The following CARM1 variants were observed in gnomAD, a reference collection of about 807,000 sequenced individuals.
CARM1 encodes coactivator associated arginine methyltransferase 1, also known as histone-arginine methyltransferase CARM1.
Under a neutral mutation model 72.7 loss-of-function variants are expected in CARM1, and 14 were observed. The ratio of observed to expected loss-of-function variants is 0.19; its 90% CI spans 0.13 to 0.30. The LOEUF is 0.30. Ranked by LOEUF, CARM1 falls within the 10% of genes least tolerant of loss-of-function variation. CARM1 has a pLI of 1.00. For missense variants in CARM1, 432 were observed against 833.7 expected (o/e 0.52, Z 5.93); for synonymous variants, 333 against 345.5 (o/e 0.96, Z 0.40).
intron 1 of CARM1, among the ~76,000 whole-genome samples, chr19:10,902,105 G>A (rs2074070603): frequency 6.6e-6 from 1 of 151,862 alleles, no homozygotes; most frequent in Admixed American, 6.6e-5. Context: ...TAAGCTGGAC[G>A]TGGTGGTGCA....
At chr19:10,910,920 T>G (rs1212285298) in intron 4 of CARM1, among the ~76,000 whole-genome samples, 1 of 151,410 alleles carries the variant, frequency 6.6e-6, no homozygotes, top group Non-Finnish European at 1.5e-5. Context: ...AGACAGATTC[T>G]CACTCTGTCA....
In CARM1 at chr19:10,871,583, A is replaced by AGCGGCGGCG. The variant is rs1179936865; in HGVS notation, c.-115_-114insGGCGGCGGC. The AGCGGCGGCG allele has an allele frequency of 1.4e-4, 11 of 76,412 alleles. No individual in the cohort carries two copies. In the South Asian group the frequency reaches 1.9e-3, roughly 13 times the overall value. 4.7% of individuals were successfully genotyped at this position (76,412 alleles called of 1,614,324 possible). ...CCTGCACGGCGGCTGCGGCGGCGGTAGCGGCAGCGGCGGCGGCGGCGGCGG... is the reference window on the plus strand; with the variant it reads ...CCTGCACGGCGGCTGCGGCGGCGGTAGCGGCGGCGGCGGCAGCGGCGGCGGCGGCGGCGG... On this transcript the variant is annotated 5_prime_UTR_variant, in exon 1 of 16. Transcript: ENST00000327064. This position sits in a 1 kb window ranked among gnomAD's most constrained non-coding sequence, Gnocchi z 5.6.
At chr19:10,909,042 C>T (rs2074125747) in intron 3 of CARM1, 61 bp from the exon 4 acceptor site, 2 of 1,314,140 alleles carry the variant, frequency 1.5e-6, no homozygotes, top group Non-Finnish European at 2.2e-6. Context: ...CAGGGCTGGC[C>T]AGGGCCTTGG....
chr19:10,905,150 C>G, intron 2 of CARM1, 74 bp downstream of exon 2: 2 of 1,562,488 alleles, frequency 1.3e-6, no homozygotes, highest in Admixed American at 1.7e-5. Context: ...GGGCGTAGAG[C>G]CTGGCTGAGG....
chr19:10,897,243 T>A (rs1036147713), intron 1 of CARM1, among the ~76,000 whole-genome samples: 5 of 152,094 alleles, frequency 3.3e-5, no homozygotes, highest in Non-Finnish European at 5.9e-5. Context: ...AATAAGGGCA[T>A]AGTGAGAGTA....
chr19:10,884,714 T>C (rs74985239), intron 1 of CARM1, among the ~76,000 whole-genome samples: 11 of 151,516 alleles, frequency 7.3e-5, no homozygotes, highest in Non-Finnish European at 1.6e-4. Flanking sequence ...TATTTTATTA[T>C]TTTTTTTTGA....
chr19:10,901,381 G>A (rs2074064117), intron 1 of CARM1, among the ~76,000 whole-genome samples: 2 of 151,836 alleles, frequency 1.3e-5, no homozygotes, highest in African/African-American at 2.4e-5. Context: ...TTCACAGGCA[G>A]TCATAGCTAA....
In CARM1 at chr19:10,912,752, C is replaced by T. The variant is rs948601971; in HGVS notation, c.669+458C>T. 2.0e-5 allele frequency among the ~76,000 whole-genome samples: 3 copies of T among 152,106 alleles called. No homozygotes were observed. Among genetic ancestry groups the T allele is most frequent in the South Asian group, 2.1e-4 (1 of 4,828 alleles). ...GCCTCTCCCATGGATCTGGGGTCGC[C>T]GGGGTCGTGGAGGGGCCATCTTTGT... On this transcript the variant is annotated intron_variant, in intron 5 of 15. Transcript: ENST00000327064. This position sits in a 1 kb window ranked among gnomAD's most constrained non-coding sequence, Gnocchi z 4.5.
chr19:10,883,712 G>A (rs1382147126), intron 1 of CARM1, among the ~76,000 whole-genome samples: 1 of 152,192 alleles, frequency 6.6e-6, no homozygotes, highest in African/African-American at 2.4e-5. Flanking sequence ...CGCCACCACG[G>A]CTGGCTAATT....
At chr19:10,885,555 G>C (rs1481470677) in intron 1 of CARM1, among the ~76,000 whole-genome samples, 1 of 152,208 alleles carries the variant, frequency 6.6e-6, no homozygotes, top group African/African-American at 2.4e-5. Flanking sequence ...TCGTGAAAGA[G>C]GGATGCTCTT....
At chr19:10,913,507 T>A (rs2074170510) in intron 5 of CARM1, among the ~76,000 whole-genome samples, 1 of 150,854 alleles carries the variant, frequency 6.6e-6, no homozygotes, top group Non-Finnish European at 1.5e-5. Context: ...CACTACCACC[T>A]CCAGCCTGGG....
In CARM1 at chr19:10,916,161, A is replaced by G. The variant is rs1205365159; in HGVS notation, c.848-246A>G. 6.6e-6 allele frequency among the ~76,000 whole-genome samples: 1 copy of G among 152,186 alleles called. No individual in the cohort carries two copies. The highest frequency in any genetic ancestry group is 1.5e-5 in the Non-Finnish European group (1 of 68,028). ...CCTGCCAGGTCTAGTAATAGGACATAAAGATGAGCCACCAGCCTCCCAGTC... is the reference window on the plus strand; with the variant it reads ...CCTGCCAGGTCTAGTAATAGGACATGAAGATGAGCCACCAGCCTCCCAGTC... On this transcript the variant is annotated intron_variant, in intron 6 of 15. Coordinates refer to ENST00000327064, the MANE Select transcript of CARM1 (RefSeq NM_199141.2). This position sits in a 1 kb window ranked among gnomAD's most constrained non-coding sequence, Gnocchi z 4.4.
Position 10,905,043 on chromosome 19 carries a change from A to G in CARM1, c.313A>G (p.Asn105Asp). Reference protein sequence around the residue: ...KQSFIITLGCNSVLIQFATPN... With the variant: ...KQSFIITLGCDSVLIQFATPN... ...GTCCTTCATCATCACCCTGGGCTGC[A>G]ACAGCGTCCTCATCCAGTTCGCCAC... is the stretch of plus-strand genomic sequence containing the variant. Residue 105 changes from asparagine (N) to aspartate (D), a missense_variant, in exon 2 of 16, where the codon AAC becomes GAC. Transcript: ENST00000327064. The G allele has an allele frequency of 6.2e-7, 1 of 1,614,170 alleles. No homozygotes were observed. The highest frequency in any genetic ancestry group is 8.5e-7 in the Non-Finnish European group (1 of 1,180,026).
intron 1 of CARM1, among the ~76,000 whole-genome samples, chr19:10,875,447 C>T (rs925923206): frequency 2.7e-5 from 4 of 150,690 alleles, no homozygotes; most frequent in Non-Finnish European, 5.9e-5. Flanking sequence ...TTTTTTGAGA[C>T]GGAGTCTGGC....
Position 10,922,500 on chromosome 19 carries a change from G to A in CARM1, c.*743G>A, listed in dbSNP as rs2074273465. 6.7e-6 allele frequency: 1 copy of A among 148,822 alleles called. No homozygotes were observed. Among genetic ancestry groups the A allele is most frequent in the Admixed American group, 6.7e-5 (1 of 14,894 alleles). 9.2% of individuals were successfully genotyped at this position (148,822 alleles called of 1,614,324 possible). A position where few individuals can be genotyped will look rare whatever the true frequency, so the allele number is the denominator to read the frequency against. ...CCCCACTCAAGAGTTAGAGCAGGTG[G>A]CTGCAGGCCTTGGGCCCGGAGGGAA... is the stretch of plus-strand genomic sequence containing the variant. On this transcript the variant is annotated 3_prime_UTR_variant, in exon 16 of 16. Coordinates refer to ENST00000327064, the MANE Select transcript of CARM1 (RefSeq NM_199141.2).
intron 2 of CARM1, among the ~76,000 whole-genome samples, chr19:10,906,411 A>G (rs1209216900): frequency 2.0e-5 from 3 of 152,356 alleles, no homozygotes; most frequent in Non-Finnish European, 4.4e-5. Context: ...TTGTTGTGCA[A>G]CTGTCACTAC....
Position 10,920,949 on chromosome 19 carries a change from G to A in CARM1, c.1537+3G>A. 2 of 1,613,926 alleles carry A rather than the reference G, an allele frequency of 1.2e-6. No homozygotes were observed. Among genetic ancestry groups the A allele is most frequent in the Non-Finnish European group, 1.7e-6 (2 of 1,179,796 alleles). On this transcript the variant is annotated splice_donor_region_variant and intron_variant, in intron 13 of 15. Coordinates refer to ENST00000327064, the MANE Select transcript of CARM1 (RefSeq NM_199141.2). The surrounding 1 kb of genome is among the most constrained non-coding windows in gnomAD (Gnocchi z 5.3). ...CAGCAGCGGGATGGCCGTGGCAGGT[G>A]AGCAGGGCCCACCCCAATGCCCAGC... is the stretch of plus-strand genomic sequence containing the variant.
rs2074023802 is a variant in CARM1 at position 10,896,342 on chromosome 19, C to T, written c.221-8609C>T. ...ATACCTTAGAGTCCCCCAGATTCTG[C>T]TGCCCTGGGGGGCCAATAAGGAGGG... On this transcript the variant is annotated intron_variant, in intron 1 of 15. Transcript: ENST00000327064. This position sits in a 1 kb window ranked among gnomAD's most constrained non-coding sequence, Gnocchi z 5.2. Among the ~76,000 whole-genome samples the T allele has an allele frequency of 2.0e-5, 3 of 152,074 alleles. No individual in the cohort carries two copies. The highest frequency in any genetic ancestry group is 2.4e-5 in the African/African-American group (1 of 41,408).
rs1184781686 is a variant in CARM1 at position 10,871,589 on chromosome 19, A to AGCGGCGGCGGCGGCGGCGGCGGCGGCG, written c.-90_-64dup. ...CGGCGGCTGCGGCGGCGGTAGCGGC[A>AGCGGCGGCGGCGGCGGCGGCGGCGGCG]GCGGCGGCGGCGGCGGCGGCGGCGG... On this transcript the variant is annotated 5_prime_UTR_variant, in exon 1 of 16. Transcript: ENST00000327064. The surrounding 1 kb of genome is among the most constrained non-coding windows in gnomAD (Gnocchi z 5.6). 103 of 117,074 alleles carry AGCGGCGGCGGCGGCGGCGGCGGCGGCG rather than the reference A, an allele frequency of 8.8e-4. No homozygotes were observed. Among genetic ancestry groups the AGCGGCGGCGGCGGCGGCGGCGGCGGCG allele is most frequent in the Middle Eastern group, 5.4e-3 (1 of 186 alleles). The allele number at this position is 117,074 out of a possible 1,614,324, so 7.3% of individuals were successfully genotyped here.
Sources: gnomAD v4.1 joint callset for allele counts (sites outside exome capture counted in the v4.1 genomes callset) on GRCh38, gnomAD v4.1.1 for gene constraint, Gnocchi (gnomAD v3.1) non-coding constraint, MANE v1.5 for transcripts, NCBI Gene and HGNC (gene_info 2026-07-23, HGNC 2026-07-21) for gene names.